HYDIN: variants seen among roughly 807,000 people sequenced by gnomAD.
The protein encoded by HYDIN is axonemal central pair apparatus protein HYDIN.
A neutral mutation model predicts 403.9 loss-of-function variants in HYDIN; 132 were observed. The ratio of observed to expected loss-of-function variants is 0.33; its 90% confidence interval spans 0.28 to 0.38. HYDIN has a LOEUF of 0.38. Ranked by LOEUF, HYDIN falls within the 10% of genes least tolerant of loss-of-function variation. The probability of loss-of-function intolerance (pLI) is 1.00; values close to 1 mark genes in which losing one functional copy is unlikely to be tolerated. For missense variants in HYDIN, 2,827 were observed against 5,009.5 expected (o/e 0.56, Z 13.15); for synonymous variants, 1,202 against 1,891.7 (o/e 0.64, Z 9.46).
chr16:71,173,426 A>C (rs907415236), intron 5 of HYDIN, among the ~76,000 whole-genome samples: 7 of 152,228 alleles, frequency 4.6e-5, no homozygotes, highest in Non-Finnish European at 1.0e-4. Context: ...CTCACCAGAA[A>C]TGTTAGCATT....
chr16:71,178,642 C>T (rs1388506735), intron 4 of HYDIN, among the ~76,000 whole-genome samples: 3 of 151,928 alleles, frequency 2.0e-5, no homozygotes, highest in Admixed American at 6.6e-5. Flanking sequence ...ATTTGTCATA[C>T]ATAAGAACCC....
In HYDIN at chr16:71,053,406, A is replaced by T. The variant is rs111419246; in HGVS notation, c.2529+7098T>A. ...GTATTCTGTTCACTGCAGCATTGTT[A>T]TAATAACCCAATTGTCAACAAGTAG... On this transcript the variant is annotated intron_variant, in intron 18 of 85. Transcript: ENST00000393567. Among the ~76,000 whole-genome samples, 1,157 of 152,354 alleles carry T rather than the reference A, an allele frequency of 7.6e-3. 1 individual carries two copies. Among genetic ancestry groups the T allele is most frequent in the African/African-American group, 0.027 (1,103 of 41,572 alleles).
At chr16:70,853,120 G>T (rs916351098) in intron 73 of HYDIN, among the ~76,000 whole-genome samples, 5 of 152,100 alleles carry the variant, frequency 3.3e-5, no homozygotes, top group Non-Finnish European at 5.9e-5. Flanking sequence ...GGCGGGGGTT[G>T]CAGTGAGCCA....
Position 70,806,165 on chromosome 16 carries a change from A to G in HYDIN, c.*1415T>C, listed in dbSNP as rs2035096714. ...ATTATAATTATTACATTTTATTATT[A>G]TTATTGTTAATGTCTTACTGTGCCT... On this transcript the variant is annotated 3_prime_UTR_variant, in exon 86 of 86. Coordinates refer to ENST00000393567, the MANE Select transcript of HYDIN (RefSeq NM_001270974.2). 6.6e-6 allele frequency among the ~76,000 whole-genome samples: 1 copy of G among 152,144 alleles called. No homozygotes were observed. The highest frequency in any genetic ancestry group is 1.5e-5 in the Non-Finnish European group (1 of 68,026).
chr16:71,098,758 G>GAAAAAA (rs2083365696), intron 10 of HYDIN, among the ~76,000 whole-genome samples: 40 of 118,608 alleles, frequency 3.4e-4, no homozygotes, highest in African/African-American at 1.2e-3. Flanking sequence ...AAAAAAAAAG[G>GAAAAAA]AGATGTGTTG....
intron 41 of HYDIN, among the ~76,000 whole-genome samples, chr16:70,945,268 C>G (rs1446590588): frequency 1.3e-5 from 2 of 152,036 alleles, no homozygotes; most frequent in East Asian, 3.9e-4. Flanking sequence ...TAAAGAGTCA[C>G]CAAAACATGA....
At chr16:71,005,406 T>C (rs2079862211) in intron 23 of HYDIN, among the ~76,000 whole-genome samples, 1 of 152,012 alleles carries the variant, frequency 6.6e-6, no homozygotes, top group South Asian at 2.1e-4. Flanking sequence ...GAGTGTTCTC[T>C]CTCTCCTTTT....
chr16:71,151,475 C>T (rs1394977313), intron 7 of HYDIN, among the ~76,000 whole-genome samples: 3 of 151,800 alleles, frequency 2.0e-5, no homozygotes, highest in Admixed American at 6.6e-5. Context: ...TCACCCCAAT[C>T]TACCAGTGTG....
intron 23 of HYDIN, among the ~76,000 whole-genome samples, chr16:71,012,756 A>C (rs545047892): frequency 4.0e-5 from 6 of 151,848 alleles, no homozygotes; most frequent in African/African-American, 1.2e-4. Context: ...GTGTTCGTGT[A>C]TGTCTGATAA....
intron 1 of HYDIN, among the ~76,000 whole-genome samples, chr16:71,192,466 C>T (rs1290091459): frequency 1.3e-5 from 2 of 152,192 alleles, no homozygotes; most frequent in South Asian, 2.1e-4. Flanking sequence ...CCTTAGCATG[C>T]TGTTCATCCC....
Position 70,836,702 on chromosome 16 carries a change from A to G in HYDIN, c.13243-868T>C, listed in dbSNP as rs2037449859. On this transcript the variant is annotated intron_variant, in intron 77 of 85. Transcript: ENST00000393567. ...TCACTAAATTGCACCCCTCCACCCA[A>G]CTATCTTTAAACCCAGCCCACATGT... Among the ~76,000 whole-genome samples, 3 of 152,264 alleles carry G rather than the reference A, an allele frequency of 2.0e-5. No homozygotes were observed. In the South Asian group the frequency reaches 6.2e-4, roughly 32 times the overall value.
At chr16:71,048,325 C>T (rs1198680833) in intron 18 of HYDIN, among the ~76,000 whole-genome samples, 1 of 140,182 alleles carries the variant, frequency 7.1e-6, no homozygotes, top group African/African-American at 2.6e-5. Flanking sequence ...ATCTCTACAA[C>T]ACTGATCTCC....
chr16:71,115,613 G>A lies in HYDIN; in HGVS notation c.1327+83C>T, dbSNP rs1273895633. On this transcript the variant is annotated intron_variant, in intron 10 of 85. Coordinates refer to ENST00000393567, the MANE Select transcript of HYDIN (RefSeq NM_001270974.2). ...ATGGCATGATCCCACATGCACATGT[G>A]CACACACACACACACTCAGGCACCA... The A allele has an allele frequency of 5.7e-5, 42 of 739,486 alleles. 1 individual carries two copies. The highest frequency in any genetic ancestry group is 1.0e-4 in the Non-Finnish European group (41 of 409,324). The allele number at this position is 739,486 out of a possible 1,614,324, so 45.8% of individuals were successfully genotyped here.
chr16:70,850,723 C>T (rs1423948708), intron 73 of HYDIN, 68 bp from the exon 74 acceptor site: 1 of 1,272,832 alleles, frequency 7.9e-7, no homozygotes, highest in Non-Finnish European at 1.1e-6. Flanking sequence ...AAAATATGAG[C>T]CTACTGAATT....
In HYDIN at chr16:70,835,694, T is replaced by C. The variant is rs199682869; in HGVS notation, c.13383A>G (p.Pro4461=). The C allele has an allele frequency of 5.7e-6, 4 of 703,210 alleles. No homozygotes were observed. The highest frequency in any genetic ancestry group is 9.6e-6 in the Non-Finnish European group (4 of 416,978). 43.6% of individuals were successfully genotyped at this position (703,210 alleles called of 1,614,324 possible). The change falls in exon 78 of 86, where the codon CCA becomes CCG. Residue 4461 remains proline (P), a synonymous_variant. Coordinates refer to ENST00000393567, the MANE Select transcript of HYDIN (RefSeq NM_001270974.2). ...CACCAACCTTGGGTTCCTGGAGTTC[T>C]GGAATTGTGAACAGAATGGACTGAT... ...TFNQSILFTI[P]ELQEPKVLTL...
chr16:71,161,188 G>T (rs1157346948), intron 6 of HYDIN, among the ~76,000 whole-genome samples: 1 of 146,844 alleles, frequency 6.8e-6, no homozygotes, highest in Non-Finnish European at 1.5e-5. Context: ...GGCATTAGGA[G>T]CATGCAACCT....
intron 50 of HYDIN, among the ~76,000 whole-genome samples, chr16:70,905,111 T>C (rs1454903594): frequency 6.6e-6 from 1 of 152,040 alleles, no homozygotes; most frequent in Non-Finnish European, 1.5e-5. Context: ...AGGTTTTAGA[T>C]AGGCCATGAT....
chr16:71,172,363 T>C (rs1038815095), intron 5 of HYDIN, among the ~76,000 whole-genome samples: 3 of 152,220 alleles, frequency 2.0e-5, no homozygotes, highest in African/African-American at 7.2e-5. Flanking sequence ...TATTTTTCTT[T>C]CTCATTTTAA....
intron 1 of HYDIN, among the ~76,000 whole-genome samples, chr16:71,215,570 TA>T (rs66570981): frequency 7.6e-4 from 113 of 148,006 alleles, no homozygotes; most frequent in African/African-American, 1.9e-3. Flanking sequence ...TTAATGCCAT[TA>T]AAAAAAAAAA....
Sources: gnomAD v4.1 joint callset for allele counts (sites outside exome capture counted in the v4.1 genomes callset) on GRCh38, gnomAD v4.1.1 for gene constraint, MANE v1.5 for transcripts, NCBI Gene and HGNC (gene_info 2026-07-23, HGNC 2026-07-21) for gene names.